Variants in IPCEF1 observed in about 807,000 individuals in gnomAD.
IPCEF1 encodes interactor protein for cytohesin exchange factors 1.
A neutral mutation model predicts 50.9 loss-of-function variants in IPCEF1; 31 were observed. The observed-to-expected ratio is 0.61, with a 90% CI of 0.46 to 0.82. IPCEF1 has a LOEUF of 0.82. Ranked by LOEUF, IPCEF1 falls within the 40% of genes least tolerant of loss-of-function variation. The pLI is 0.00. For missense variants in IPCEF1, 458 were observed against 514.0 expected (o/e 0.89, Z 1.05); for synonymous variants, 181 against 192.0 (o/e 0.94, Z 0.47).
At chr6:154,310,394 G>T (rs1219832479) in intron 1 of IPCEF1, among the ~76,000 whole-genome samples, 3 of 152,166 alleles carry the variant, frequency 2.0e-5, no homozygotes, top group Non-Finnish European at 4.4e-5. Flanking sequence ...AGGGGAGGAG[G>T]TCTAGGATGT....
intron 9 of IPCEF1, among the ~76,000 whole-genome samples, chr6:154,208,000 A>G (rs1777639275): frequency 6.6e-6 from 1 of 152,164 alleles, no homozygotes; most frequent in Non-Finnish European, 1.5e-5. Flanking sequence ...CATCTTTTGC[A>G]ATAGCTTACT....
intron 2 of IPCEF1, among the ~76,000 whole-genome samples, chr6:154,288,521 G>A (rs1441400631): frequency 3.3e-5 from 5 of 152,036 alleles, no homozygotes; most frequent in Middle Eastern, 6.8e-3. Flanking sequence ...AAATTAACCC[G>A]GTGTGGCGGC....
chr6:154,332,531 T>C (rs559807571), intron 1 of IPCEF1, among the ~76,000 whole-genome samples: 13 of 152,306 alleles, frequency 8.5e-5, no homozygotes, highest in Admixed American at 2.6e-4. Flanking sequence ...TTTTTGTGTT[T>C]AAAAACTTTC....
At chr6:154,161,500 A>C (rs1333561072) in intron 11 of IPCEF1, among the ~76,000 whole-genome samples, 1 of 152,202 alleles carries the variant, frequency 6.6e-6, no homozygotes, top group Non-Finnish European at 1.5e-5. Flanking sequence ...GGCGTGAGCC[A>C]CTGCACCTGG....
rs906446076 is a variant in IPCEF1, at chr6:154,221,277, C to T, written c.372G>A (p.Glu124=). ...CTTACACGTTCATTTCCTGCACATTCTCAGCTGCAAAATAAAAGGTCTTGA... is the reference window on the plus strand; with the variant it reads ...CTTACACGTTCATTTCCTGCACATTTTCAGCTGCAAAATAAAAGGTCTTGA... ...PQIKTFYFAA[E]NVQEMNVWLN... is the part of the protein sequence containing the mutation. Residue 124 remains glutamate (E), a synonymous_variant, in exon 7 of 12, where the codon GAG becomes GAA. Transcript: ENST00000367220. 1.2e-6 allele frequency: 2 copies of T among 1,613,924 alleles called. No homozygotes were observed.
At chr6:154,268,871 G>C (rs953847436) in intron 2 of IPCEF1, among the ~76,000 whole-genome samples, 2 of 151,784 alleles carry the variant, frequency 1.3e-5, no homozygotes, top group African/African-American at 4.8e-5. Context: ...TCAACTCTCT[G>C]ACAGAAGGTC....
At chr6:154,268,312 G>A (rs1224490267) in intron 2 of IPCEF1, among the ~76,000 whole-genome samples, 2 of 152,356 alleles carry the variant, frequency 1.3e-5, no homozygotes, top group East Asian at 1.9e-4. Context: ...GCTCTTTGGA[G>A]TGGGAGGTGT....
chr6:154,231,750 A>G (rs1276469358), intron 5 of IPCEF1, among the ~76,000 whole-genome samples: 1 of 152,262 alleles, frequency 6.6e-6, no homozygotes, highest in Non-Finnish European at 1.5e-5. Flanking sequence ...AAGAGGATAG[A>G]GAACAGAGAT....
chr6:154,251,050 A>G (rs1781325378), intron 3 of IPCEF1, among the ~76,000 whole-genome samples: 1 of 152,202 alleles, frequency 6.6e-6, no homozygotes, highest in Non-Finnish European at 1.5e-5. Flanking sequence ...TCCTTCCCAG[A>G]AAAATAGACT....
At chr6:154,296,605 A>G (rs918503516) in intron 1 of IPCEF1, among the ~76,000 whole-genome samples, 76 of 152,224 alleles carry the variant, frequency 5.0e-4, no homozygotes, top group African/African-American at 1.5e-3. Flanking sequence ...CGAGGAGGGC[A>G]GATCACGAGG....
intron 3 of IPCEF1, among the ~76,000 whole-genome samples, chr6:154,262,416 T>G (rs959325194): frequency 1.3e-5 from 2 of 152,224 alleles, no homozygotes; most frequent in African/African-American, 4.8e-5. Context: ...ATGTAGAGAC[T>G]TTAACTTGTC....
At chr6:154,340,884 C>A (rs13205174) in intron 1 of IPCEF1, among the ~76,000 whole-genome samples, 323 of 128,454 alleles carry the variant, frequency 2.5e-3, no homozygotes, top group South Asian at 3.6e-3. Context: ...AACTCCGTCT[C>A]AAAAAAAAAA....
chr6:154,278,978 AG>A (rs1185825793), intron 2 of IPCEF1, among the ~76,000 whole-genome samples: 3 of 150,128 alleles, frequency 2.0e-5, no homozygotes, highest in Admixed American at 6.6e-5. Context: ...AAAAAAAAAA[AG>A]CTGGTCATGG....
chr6:154,329,081 T>C (rs1321251320), intron 1 of IPCEF1, among the ~76,000 whole-genome samples: 1 of 152,200 alleles, frequency 6.6e-6, no homozygotes, highest in Non-Finnish European at 1.5e-5. Flanking sequence ...CAGACTCTAA[T>C]GTTTCCAGGA....
At chr6:154,255,171 T>C (rs1215772471) in intron 3 of IPCEF1, among the ~76,000 whole-genome samples, 4 of 152,214 alleles carry the variant, frequency 2.6e-5, no homozygotes, top group Non-Finnish European at 5.9e-5. Flanking sequence ...TCATTTATCA[T>C]ATAGCTTCCC....
chr6:154,209,764 A>G (rs1015793696), intron 9 of IPCEF1, among the ~76,000 whole-genome samples: 7 of 152,192 alleles, frequency 4.6e-5, no homozygotes, highest in African/African-American at 1.7e-4. Flanking sequence ...GAAGAAAACA[A>G]AAACAAAATC....
At chr6:154,340,904 T>C (rs1412172277) in intron 1 of IPCEF1, among the ~76,000 whole-genome samples, 1 of 113,452 alleles carries the variant, frequency 8.8e-6, no homozygotes, top group Non-Finnish European at 1.8e-5. Flanking sequence ...AAAAGAAATA[T>C]ATATATGTGT....
At chr6:154,219,965 C>T (rs1778722453) in intron 7 of IPCEF1, among the ~76,000 whole-genome samples, 1 of 148,386 alleles carries the variant, frequency 6.7e-6, no homozygotes, top group South Asian at 2.2e-4. Flanking sequence ...CTGGACAGAG[C>T]TGAGCGGATA....
At chr6:154,172,417 G>A (rs887188096) in intron 10 of IPCEF1, among the ~76,000 whole-genome samples, 1 of 152,128 alleles carries the variant, frequency 6.6e-6, no homozygotes, top group East Asian at 1.9e-4. Context: ...GTACCTGGAG[G>A]AATGATACAC....
Sources: allele counts gnomAD v4.1 joint callset (sites outside exome capture counted in the v4.1 genomes callset), GRCh38; gene constraint gnomAD v4.1.1; transcripts MANE v1.5; gene names NCBI Gene and HGNC (gene_info 2026-07-23, HGNC 2026-07-21).